AOX1: variants seen among roughly 807,000 people sequenced by gnomAD.
The protein encoded by AOX1 is aldehyde oxidase 1, also known as aldehyde oxidase.
AOX1 carries 153 observed loss-of-function variants against 169.5 expected under a neutral mutation model. The observed-to-expected ratio is 0.90, with a 90% CI of 0.79 to 1.03. The LOEUF (loss-of-function observed/expected upper bound fraction) is 1.03, where lower values mean the gene tolerates loss of function less well. Ranked by LOEUF, AOX1 falls within the 50% of genes least tolerant of loss-of-function variation. AOX1 has a pLI of 0.00. For missense variants in AOX1, 1,656 were observed against 1,663.9 expected (o/e 1.00, Z 0.08); for synonymous variants, 562 against 581.9 (o/e 0.97, Z 0.49).
chr2:200,664,271 G>A (rs147537910), intron 31 of AOX1, among the ~76,000 whole-genome samples: 1,573 of 152,254 alleles, frequency 0.01, 32 homozygotes, highest in African/African-American at 0.036. Flanking sequence ...ATTACAGGCT[G>A]CGCCACCACA....
downstream of AOX1, chr2:200,671,510 G>A (rs534611869): frequency 1.3e-5 from 2 of 152,178 alleles, no homozygotes; most frequent in Non-Finnish European, 2.9e-5. Flanking sequence ...TTGAGTAGAT[G>A]TATCTCCAAA....
At chr2:200,610,593 G>A (rs1194829116) in intron 12 of AOX1, among the ~76,000 whole-genome samples, 1 of 152,052 alleles carries the variant, frequency 6.6e-6, no homozygotes, top group Non-Finnish European at 1.5e-5. Context: ...AAAAAAGTAA[G>A]ATAACATCTC....
intron 1 of AOX1, among the ~76,000 whole-genome samples, chr2:200,589,046 C>T (rs1352619710): frequency 6.6e-6 from 1 of 151,976 alleles, no homozygotes; most frequent in African/African-American, 2.4e-5. Context: ...AAGTCAAACA[C>T]AATCTCTGGA....
chr2:200,608,479 G>A (rs2034561799), intron 10 of AOX1, among the ~76,000 whole-genome samples: 1 of 152,198 alleles, frequency 6.6e-6, no homozygotes, highest in African/African-American at 2.4e-5. Flanking sequence ...CAATAGAAAT[G>A]TGGGTTTGCA....
chr2:200,590,918 T>C (rs557902312), intron 1 of AOX1, among the ~76,000 whole-genome samples: 249 of 152,282 alleles, frequency 1.6e-3, no homozygotes, highest in South Asian at 4.4e-3. Context: ...TGGTCTAAGA[T>C]AACTGCTGGG....
chr2:200,612,743 T>C lies in AOX1; in HGVS notation c.1398T>C (p.Val466=). Residue 466 remains valine, a synonymous_variant, in exon 14 of 35, where the codon GTT becomes GTC. Transcript: ENST00000374700. ...AGTTATGCATCTCATATGGAGGCGT[T>C]GGTCCAGCCACCATCTGTGCCAAGA... The part of the protein sequence containing the change: ...IRELCISYGG[V]GPATICAKNS... 4 of 1,614,014 alleles carry C rather than the reference T, an allele frequency of 2.5e-6. No individual in the cohort carries two copies. Among genetic ancestry groups the C allele is most frequent in the Non-Finnish European group, 3.4e-6 (4 of 1,179,968 alleles).
At chr2:200,638,128 C>A in intron 22 of AOX1, 87 bp from the exon 23 acceptor site, 3 of 1,217,118 alleles carry the variant, frequency 2.5e-6, no homozygotes, top group Non-Finnish European at 3.6e-6. Flanking sequence ...GTAGGCTCCA[C>A]TCAGGCTCTT....
chr2:200,621,035 A>G, intron 17 of AOX1, 85 bp from the exon 18 acceptor site: 4 of 1,451,506 alleles, frequency 2.8e-6, no homozygotes, highest in South Asian at 1.3e-5. Flanking sequence ...GACAGTTCTT[A>G]CCTCTCTCAT....
intron 8 of AOX1, 41 bp from the exon 9 acceptor site, chr2:200,604,655 G>A: frequency 1.2e-6 from 2 of 1,608,870 alleles, no homozygotes; most frequent in Non-Finnish European, 1.7e-6. Flanking sequence ...GGTGGAGATG[G>A]CATCATTGGG....
intron 27 of AOX1, among the ~76,000 whole-genome samples, chr2:200,657,161 C>CAAAAAAAAAAAAAAAAA (rs67071824): frequency 2.4e-5 from 2 of 83,040 alleles, no homozygotes; most frequent in African/African-American, 9.6e-5. Context: ...CCATCTCTAC[C>CAAAAAAAAAAAAAAAAA]AAAAATATAT....
At chr2:200,631,397 G>T (rs961145946) in intron 20 of AOX1, among the ~76,000 whole-genome samples, 1 of 152,186 alleles carries the variant, frequency 6.6e-6, no homozygotes, top group African/African-American at 2.4e-5. Flanking sequence ...AAAAGGATTT[G>T]CAAGAGACCC....
At chr2:200,633,885 A>AG (rs1193139088) in intron 20 of AOX1, among the ~76,000 whole-genome samples, 1 of 152,198 alleles carries the variant, frequency 6.6e-6, no homozygotes, top group Non-Finnish European at 1.5e-5. Flanking sequence ...ATGGAGAAGA[A>AG]GGGGGTGATG....
chr2:200,632,754 T>G (rs1174992188), intron 20 of AOX1, among the ~76,000 whole-genome samples: 1 of 152,186 alleles, frequency 6.6e-6, no homozygotes, highest in African/African-American at 2.4e-5. Flanking sequence ...TTCCCTTTCA[T>G]TGTTGAAAGA....
intron 23 of AOX1, among the ~76,000 whole-genome samples, chr2:200,639,322 G>A (rs945340597): frequency 6.6e-6 from 1 of 152,186 alleles, no homozygotes; most frequent in Admixed American, 6.5e-5. Flanking sequence ...TTAGGTTTTA[G>A]GCACCGGACC....
At chr2:200,590,335 C>T (rs1306570736) in intron 1 of AOX1, among the ~76,000 whole-genome samples, 1 of 152,152 alleles carries the variant, frequency 6.6e-6, no homozygotes, top group Non-Finnish European at 1.5e-5. Context: ...AGATTCCACC[C>T]TCAGATTCAA....
intron 26 of AOX1, among the ~76,000 whole-genome samples, chr2:200,654,797 G>A (rs2035650073): frequency 6.6e-6 from 1 of 152,192 alleles, no homozygotes; most frequent in Non-Finnish European, 1.5e-5. Flanking sequence ...CTCTCCAGTT[G>A]TGCTTGTTTT....
At chr2:200,632,406 G>A (rs760867052) in intron 20 of AOX1, among the ~76,000 whole-genome samples, 11 of 151,408 alleles carry the variant, frequency 7.3e-5, no homozygotes, top group Non-Finnish European at 1.2e-4. Context: ...CAAGTCAAGT[G>A]TAGAAGCTTT....
chr2:200,619,046 G>A (rs1397114701), intron 16 of AOX1, among the ~76,000 whole-genome samples: 1 of 152,188 alleles, frequency 6.6e-6, no homozygotes, highest in African/African-American at 2.4e-5. Context: ...GTTCATATGT[G>A]CTGAATAGGC....
At chr2:200,596,175 G>A (rs1192152825) in intron 3 of AOX1, among the ~76,000 whole-genome samples, 3 of 152,194 alleles carry the variant, frequency 2.0e-5, no homozygotes, top group Admixed American at 2.0e-4. Flanking sequence ...CACTGGTGAG[G>A]TTTCAGATAT....
Sources: gnomAD v4.1 joint callset for allele counts (sites outside exome capture counted in the v4.1 genomes callset) on GRCh38, gnomAD v4.1.1 for gene constraint, MANE v1.5 for transcripts, NCBI Gene and HGNC (gene_info 2026-07-23, HGNC 2026-07-21) for gene names.